MEI4: variants seen among roughly 807,000 people sequenced by gnomAD.
MEI4 encodes meiosis-specific protein MEI4.
A neutral mutation model predicts 31.4 loss-of-function variants in MEI4; 27 were observed. The ratio of observed to expected loss-of-function variants is 0.86; its 90% confidence interval spans 0.63 to 1.19. The LOEUF (loss-of-function observed/expected upper bound fraction) is 1.19, where lower values mean the gene tolerates loss of function less well. Ranked by LOEUF, MEI4 falls within the 50% of genes most tolerant of loss-of-function variation. MEI4 has a pLI of 0.00. For synonymous variants in MEI4, 122 were observed against 145.4 expected (o/e 0.84, Z 1.16); for missense variants, 329 against 398.9 (o/e 0.82, Z 1.49).
chr6:77,738,698 C>T (rs903539818), intron 2 of MEI4, among the ~76,000 whole-genome samples: 1 of 152,162 alleles, frequency 6.6e-6, no homozygotes, highest in Non-Finnish European at 1.5e-5. Context: ...AACTAATTTA[C>T]ACTTCCACCA....
At chr6:77,829,742 T>C (rs1770033987) in intron 4 of MEI4, among the ~76,000 whole-genome samples, 1 of 152,174 alleles carries the variant, frequency 6.6e-6, no homozygotes, top group African/African-American at 2.4e-5. Flanking sequence ...TAAATATTCT[T>C]ATCATTTCTG....
rs951394551 is a variant in MEI4, at chr6:77,926,860, T to C, written c.*3514T>C. 6.6e-6 allele frequency: 1 copy of C among 151,980 alleles called. No homozygotes were observed. The highest frequency in any genetic ancestry group is 1.9e-4 in the East Asian group (1 of 5,178). 9.4% of individuals were successfully genotyped at this position (151,980 alleles called of 1,614,324 possible). ...GAGATAATTAACTTGTTAATGTTTA[T>C]CTAATATTGAAAAAATATATAGGAT... On this transcript the variant is annotated 3_prime_UTR_variant, in exon 5 of 5. Coordinates refer to ENST00000684080, the MANE Select transcript of MEI4 (RefSeq NM_001322247.2).
At chr6:77,686,167 T>C (rs1007775341) in intron 1 of MEI4, among the ~76,000 whole-genome samples, 2 of 152,174 alleles carry the variant, frequency 1.3e-5, no homozygotes, top group Non-Finnish European at 2.9e-5. Context: ...GCTGGCACCG[T>C]GCCTCTCTAC....
At chr6:77,793,532 C>T (rs1310709715) in intron 3 of MEI4, among the ~76,000 whole-genome samples, 1 of 152,076 alleles carries the variant, frequency 6.6e-6, no homozygotes, top group African/African-American at 2.4e-5. Context: ...GTCATTTTAA[C>T]TCTAGTATAA....
At chr6:77,683,069 A>G (rs1189177368) in intron 1 of MEI4, among the ~76,000 whole-genome samples, 1 of 152,098 alleles carries the variant, frequency 6.6e-6, no homozygotes, top group Non-Finnish European at 1.5e-5. Context: ...CCTTGTCTAC[A>G]CCTAAGCTGT....
chr6:77,801,300 C>G (rs1391430926), intron 3 of MEI4, among the ~76,000 whole-genome samples: 1 of 152,180 alleles, frequency 6.6e-6, no homozygotes, highest in South Asian at 2.1e-4. Flanking sequence ...ATAGTTTTCT[C>G]TGATGGTAGT....
chr6:77,814,597 A>G (rs1437526102), intron 3 of MEI4, among the ~76,000 whole-genome samples: 3 of 152,148 alleles, frequency 2.0e-5, no homozygotes, highest in Admixed American at 6.6e-5. Context: ...CATGCAAACA[A>G]CTGCCTTTTC....
Position 77,829,672 on chromosome 6 carries a change from T to G in MEI4, c.900+610T>G, listed in dbSNP as rs1191007859. ...GACAAAGGTGTAGAAGGAACATAAG[T>G]CATTCCCATATTTTAATGTTGACAC... On this transcript the variant is annotated intron_variant, in intron 4 of 4. Coordinates refer to ENST00000684080, the MANE Select transcript of MEI4 (RefSeq NM_001322247.2). Among the ~76,000 whole-genome samples, 4 of 152,120 alleles carry G rather than the reference T, an allele frequency of 2.6e-5. No individual in the cohort carries two copies. The East Asian group carries it at 7.7e-4, about 29-fold the overall frequency.
chr6:77,904,186 T>A, intron 4 of MEI4, among the ~76,000 whole-genome samples: 1 of 152,208 alleles, frequency 6.6e-6, no homozygotes, highest in Non-Finnish European at 1.5e-5. Flanking sequence ...GAATTTTTAC[T>A]TTTTATCTTT....
chr6:77,869,923 A>C (rs142052797), intron 4 of MEI4, among the ~76,000 whole-genome samples: 76 of 152,220 alleles, frequency 5.0e-4, no homozygotes, highest in Non-Finnish European at 1.1e-3. Flanking sequence ...TTAATTGGGA[A>C]GTATAGAGAT....
At chr6:77,797,613 C>T (rs1226703988) in intron 3 of MEI4, among the ~76,000 whole-genome samples, 1 of 152,020 alleles carries the variant, frequency 6.6e-6, no homozygotes, top group Non-Finnish European at 1.5e-5. Context: ...GATGTAAATC[C>T]AGGAGTCCAA....
chr6:77,668,158 T>C (rs1362969983), intron 1 of MEI4, among the ~76,000 whole-genome samples: 2 of 152,056 alleles, frequency 1.3e-5, no homozygotes, highest in African/African-American at 2.4e-5. Context: ...CAAGGACTCA[T>C]TAGAGGGGCT....
In MEI4 at chr6:77,796,948, A is replaced by T. The variant is rs140822450; in HGVS notation, c.769-31983A>T. ...CCTGTTTTGAAACTATATCATAAAA[A>T]GTGATAGTAATATAAACAGGGTGAT... On this transcript the variant is annotated intron_variant, in intron 3 of 4. Transcript: ENST00000684080. Among the ~76,000 whole-genome samples, 344 of 152,312 alleles carry T rather than the reference A, an allele frequency of 2.3e-3. 7 individuals carry two copies. In the East Asian group the frequency reaches 0.036, roughly 16 times the overall value.
intron 2 of MEI4, among the ~76,000 whole-genome samples, chr6:77,733,723 G>A (rs1262602027): frequency 2.0e-5 from 3 of 151,912 alleles, no homozygotes; most frequent in South Asian, 4.1e-4. Flanking sequence ...TGATGTTAGG[G>A]TGTCAATTCT....
At chr6:77,687,297 A>G (rs2127651336) in intron 1 of MEI4, among the ~76,000 whole-genome samples, 1 of 152,240 alleles carries the variant, frequency 6.6e-6, no homozygotes, top group Admixed American at 6.5e-5. Flanking sequence ...TTAAATGTTC[A>G]TTTTCATTAT....
intron 4 of MEI4, among the ~76,000 whole-genome samples, chr6:77,873,588 T>G (rs1462416612): frequency 2.6e-5 from 4 of 152,258 alleles, no homozygotes; most frequent in Non-Finnish European, 4.4e-5. Flanking sequence ...TCTTTTGCTG[T>G]GCAGAAGCTC....
At chr6:77,702,796 G>GA (rs1195217337) in intron 2 of MEI4, among the ~76,000 whole-genome samples, 1 of 152,132 alleles carries the variant, frequency 6.6e-6, no homozygotes, top group Non-Finnish European at 1.5e-5. Context: ...ATTCTGCACT[G>GA]AGACATATCA....
chr6:77,911,184 G>A (rs1431440676), intron 4 of MEI4, among the ~76,000 whole-genome samples: 3 of 151,974 alleles, frequency 2.0e-5, no homozygotes, highest in African/African-American at 4.8e-5. Context: ...ATTTAGATAA[G>A]TAGTTGGCAA....
At chr6:77,699,944 C>T (rs79739027) in intron 2 of MEI4, among the ~76,000 whole-genome samples, 31,326 of 151,958 alleles carry the variant, frequency 0.21, 3,587 homozygotes, top group African/African-American at 0.3. Context: ...GCTGCCTGAT[C>T]GCTCCTCTGG....
Sources: allele counts gnomAD v4.1 joint callset (sites outside exome capture counted in the v4.1 genomes callset), GRCh38; gene constraint gnomAD v4.1.1; transcripts MANE v1.5; gene names NCBI Gene and HGNC (gene_info 2026-07-23, HGNC 2026-07-21).